The following XRCC5 variants were observed in gnomAD, a reference collection of about 807,000 sequenced individuals.
The protein encoded by XRCC5 is X-ray repair cross complementing 5, also known as DNA repair protein Ku80.
XRCC5 carries 12 observed loss-of-function variants against 95.7 expected under a neutral mutation model. That is an observed-to-expected ratio of 0.13 (90% CI 0.08 to 0.20). The LOEUF (loss-of-function observed/expected upper bound fraction) is 0.20, where lower values mean the gene tolerates loss of function less well. Ranked by LOEUF, XRCC5 falls within the 10% of genes least tolerant of loss-of-function variation. The pLI is 1.00. For missense variants in XRCC5, 595 were observed against 873.9 expected, an observed-to-expected ratio of 0.68 and a Z score of 4.02; for synonymous variants, 281 against 290.3, an observed-to-expected ratio of 0.97 and a Z score of 0.33.
At chr2:216,123,523 A>G (rs1168379521) in intron 6 of XRCC5, among the ~76,000 whole-genome samples, 1 of 152,184 alleles carries the variant, frequency 6.6e-6, no homozygotes, top group Admixed American at 6.5e-5. Context: ...AAGAAAAATT[A>G]GGCTGGACAC....
intron 2 of XRCC5, among the ~76,000 whole-genome samples, chr2:216,113,758 CCGTT>C (rs1359715743): frequency 6.6e-6 from 1 of 152,178 alleles, no homozygotes; most frequent in African/African-American, 2.4e-5. Flanking sequence ...TTGGGGCTGT[CCGTT>C]AGAATCTCTA....
At chr2:216,162,840 G>T (rs1227274254) in intron 16 of XRCC5, among the ~76,000 whole-genome samples, 1 of 152,104 alleles carries the variant, frequency 6.6e-6, no homozygotes, top group African/African-American at 2.4e-5. Context: ...TTATCAGGTA[G>T]TACCTAGAAT....
In XRCC5 at chr2:216,204,353, A is replaced by C. The variant is rs565887870; in HGVS notation, c.2141A>C (p.Asp714Ala). The C allele has an allele frequency of 4.3e-5, 69 of 1,613,866 alleles. No individual in the cohort carries two copies. The highest frequency in any genetic ancestry group is 5.4e-5 in the Non-Finnish European group (64 of 1,179,876). Residue 714 changes from aspartate to alanine, a missense_variant, in exon 20 of 21, where the codon GAC (aspartate) becomes GCC (alanine). Asp to Ala is a moderately radical substitution (Grantham distance 126, BLOSUM62 -2). Coordinates refer to ENST00000392132, the MANE Select transcript of XRCC5 (RefSeq NM_021141.4). ...FLAPKDKPSG[D>A]TAAVFEEGGD... ...GCCCCCAAAGACAAACCAAGTGGAG[A>C]CACAGCAGCTGTATTTGAAGAAGGT...
intron 9 of XRCC5, 27 bp downstream of exon 9, chr2:216,131,014 CT>C: frequency 1.3e-6 from 2 of 1,560,004 alleles, no homozygotes; most frequent in Non-Finnish European, 8.8e-7. Context: ...ACTAAATGAG[CT>C]TTTTCCTAGC....
intron 16 of XRCC5, among the ~76,000 whole-genome samples, chr2:216,180,438 CA>C (rs1337934824): frequency 2.6e-5 from 4 of 152,176 alleles, no homozygotes; most frequent in Non-Finnish European, 5.9e-5. Context: ...CCAGCCTAGC[CA>C]ACATGGCAAA....
intron 16 of XRCC5, among the ~76,000 whole-genome samples, chr2:216,181,047 A>G (rs1689375905): frequency 6.6e-6 from 1 of 151,990 alleles, no homozygotes; most frequent in Middle Eastern, 3.2e-3. Context: ...TCCCGACCTC[A>G]GATCATCCAC....
At chr2:216,191,286 A>G (rs1559262570) in intron 17 of XRCC5, among the ~76,000 whole-genome samples, 1 of 152,208 alleles carries the variant, frequency 6.6e-6, no homozygotes, top group East Asian at 1.9e-4. Context: ...GTTGCCACCC[A>G]GTGTCCTTAA....
intron 8 of XRCC5, among the ~76,000 whole-genome samples, chr2:216,128,380 T>G: frequency 6.6e-6 from 1 of 152,226 alleles, no homozygotes; most frequent in East Asian, 1.9e-4. Context: ...TTTTCCTCTG[T>G]GACACTGTAT....
At chr2:216,109,538 C>G in intron 1 of XRCC5, 81 bp downstream of exon 1, 1 of 1,586,134 alleles carries the variant, frequency 6.3e-7, no homozygotes, top group East Asian at 2.3e-5. Context: ...ATCGTGGGAT[C>G]GCGGTCAAGA....
rs527242512 is a variant in XRCC5, at chr2:216,141,924, C to T, written c.1476+605C>T. ...AAAAAATTAGCCGGGCATGGTAGCA[C>T]GTGCCTGTAATCCGAGCTTCTCAGG... On this transcript the variant is annotated intron_variant, in intron 13 of 20. Coordinates refer to ENST00000392132, the MANE Select transcript of XRCC5 (RefSeq NM_021141.4). Among the ~76,000 whole-genome samples the T allele has an allele frequency of 1.5e-3, 225 of 152,184 alleles. 2 individuals are homozygous for T. Among genetic ancestry groups the T allele is most frequent in the Non-Finnish European group, 2.7e-3 (186 of 68,004 alleles).
intron 19 of XRCC5, among the ~76,000 whole-genome samples, chr2:216,200,025 A>G (rs940710777): frequency 4.2e-5 from 6 of 143,016 alleles, no homozygotes; most frequent in Admixed American, 2.0e-4. Context: ...CATTTTACCA[A>G]TTGGTGTTGG....
intron 9 of XRCC5, 34 bp downstream of exon 9, chr2:216,131,021 CTAGCTGT>C: frequency 6.5e-7 from 1 of 1,548,656 alleles, no homozygotes; most frequent in Non-Finnish European, 8.9e-7. Flanking sequence ...GAGCTTTTTC[CTAGCTGT>C]TATTTGAAAT....
intron 11 of XRCC5, among the ~76,000 whole-genome samples, chr2:216,137,531 G>T (rs1421771837): frequency 6.6e-6 from 1 of 152,130 alleles, no homozygotes; most frequent in Non-Finnish European, 1.5e-5. Flanking sequence ...TAGATTAAAA[G>T]AATAATCAAT....
intron 1 of XRCC5, among the ~76,000 whole-genome samples, chr2:216,112,493 A>C (rs1375810293): frequency 6.6e-6 from 1 of 152,338 alleles, no homozygotes; most frequent in East Asian, 1.9e-4. Context: ...ATTTTAGATC[A>C]TCAGTTTACA....
chr2:216,111,497 C>A, intron 1 of XRCC5: 2 of 329,058 alleles, frequency 6.1e-6, no homozygotes, highest in South Asian at 2.1e-5. Context: ...GTACTCCAGC[C>A]TGGGTGACAG....
At position 216,205,509 on chromosome 2, in the gene XRCC5, T is replaced by C; in HGVS notation, c.*307T>C. 2.6e-6 allele frequency: 1 copy of C among 382,448 alleles called. No individual in the cohort carries two copies. The highest frequency in any genetic ancestry group is 3.4e-5 in the South Asian group (1 of 29,332). The allele number at this position is 382,448 out of a possible 1,614,324, so 23.7% of individuals were successfully genotyped here. On this transcript the variant is annotated 3_prime_UTR_variant, in exon 21 of 21. Transcript: ENST00000392132. Reference sequence around the variant, plus strand: ...TGCTTTGAAGTTTCTGGAAAGTAGATCTTTTCTTGACCTAGTATATCAGTG... The same window carrying C: ...TGCTTTGAAGTTTCTGGAAAGTAGACCTTTTCTTGACCTAGTATATCAGTG...
chr2:216,147,335 G>C lies in XRCC5; in HGVS notation c.1477-748G>C, dbSNP rs372324101. On this transcript the variant is annotated intron_variant, in intron 13 of 20. Transcript: ENST00000392132. ...TGTGAGTGAGGAGAACAAGTGGCTG[G>C]TGATGCGATCGAGGAGGCAAGCAGG... Among the ~76,000 whole-genome samples, 11 of 152,282 alleles carry C rather than the reference G, an allele frequency of 7.2e-5. No individual in the cohort carries two copies. In the East Asian group the frequency reaches 1.7e-3, roughly 24 times the overall value.
intron 14 of XRCC5, among the ~76,000 whole-genome samples, chr2:216,149,714 T>C (rs1688707906): frequency 6.6e-6 from 1 of 152,132 alleles, no homozygotes; most frequent in South Asian, 2.1e-4. Context: ...GTAAATTAGC[T>C]AGTTAAAAAA....
intron 2 of XRCC5, 104 bp downstream of exon 2, chr2:216,113,233 T>C (rs1341627996): frequency 2.2e-6 from 2 of 901,668 alleles, no homozygotes; most frequent in African/African-American, 3.3e-5. Flanking sequence ...CCAGCCCCTC[T>C]GTTTGGGGGG....
Sources: gnomAD v4.1 joint callset for allele counts (sites outside exome capture counted in the v4.1 genomes callset) on GRCh38, gnomAD v4.1.1 for gene constraint, MANE v1.5 for transcripts, NCBI Gene and HGNC (gene_info 2026-07-23, HGNC 2026-07-21) for gene names.